Variants in FBXL5 observed in about 807,000 individuals in gnomAD.
FBXL5 encodes the protein F-box and leucine rich repeat protein 5, also known as F-box/LRR-repeat protein 5.
In FBXL5, 26 loss-of-function variants were observed where a neutral mutation model predicts 78.3. That is an observed-to-expected ratio of 0.33 (90% CI 0.24 to 0.46). The LOEUF is 0.46. Among genes scored for constraint, FBXL5 ranks in the 20% least tolerant of loss-of-function variants. The probability of loss-of-function intolerance (pLI) is 1.00; values close to 1 mark genes in which losing one functional copy is unlikely to be tolerated. For synonymous variants in FBXL5, 295 were observed against 282.5 expected, an observed-to-expected ratio of 1.04 and a Z score of -0.45; for missense variants, 710 against 829.2, an observed-to-expected ratio of 0.86 and a Z score of 1.77.
intron 1 of FBXL5, among the ~76,000 whole-genome samples, chr4:15,647,222 C>CAA (rs112736448): frequency 0.1 from 3,784 of 36,410 alleles, 393 homozygotes; most frequent in African/African-American, 0.13. Context: ...GACTCCATCT[C>CAA]AAAAAAAAAA....
chr4:15,681,237 G>A (rs913913986), intron 1 of FBXL5: 5 of 152,246 alleles, frequency 3.3e-5, no homozygotes, highest in Admixed American at 1.3e-4. Flanking sequence ...TGATATCAAA[G>A]TTCAAAATTC....
rs1175371702 is a variant in FBXL5 at position 15,612,418 on chromosome 4, T to C, written c.1851-4A>G. 6.3e-7 allele frequency: 1 copy of C among 1,592,618 alleles called. No homozygotes were observed. Among genetic ancestry groups the C allele is most frequent in the South Asian group, 1.1e-5 (1 of 88,316 alleles). ...CCCTCCTCCCAGAGTCAAAACCCTG[T>C]AAGAAAAATAATTTGACAATTAGAA... On this transcript the variant is annotated splice_region_variant and splice_polypyrimidine_tract_variant and intron_variant, in intron 9 of 10. Coordinates refer to ENST00000341285, the MANE Select transcript of FBXL5 (RefSeq NM_012161.4).
intron 9 of FBXL5, among the ~76,000 whole-genome samples, chr4:15,614,482 C>G (rs369561786): frequency 2.6e-5 from 4 of 152,252 alleles, no homozygotes; most frequent in African/African-American, 9.6e-5. Context: ...CCTGGGGTCA[C>G]CTGGGTAAGT....
chr4:15,632,685 G>A (rs1298200312), intron 5 of FBXL5, among the ~76,000 whole-genome samples: 1 of 152,100 alleles, frequency 6.6e-6, no homozygotes, highest in African/African-American at 2.4e-5. Flanking sequence ...ATTGTGAATG[G>A]GAGTTCACTC....
rs1714520358 is a variant in FBXL5 at position 15,638,595 on chromosome 4, C to G, written c.496G>C (p.Glu166Gln). Residue 166 changes from glutamate (E) to glutamine (Q), a missense_variant, in exon 4 of 11, where the codon GAA (glutamate) becomes CAA (glutamine). Physicochemically the swap from Glu to Gln is conservative, Grantham distance 29. Around this residue, in one of 4 missense-constraint regions of FBXL5, gnomAD observed 517 missense variants for 542.9 expected, o/e 0.95. Transcript: ENST00000341285. ...AQHCSQKDTA[E>Q]LLRGLSLWNH... ...CATAGGCTAAGACCTCTAAGGAGTT[C>G]TGCAGTATCCTTCTGAGAGCAGTGT... The G allele has an allele frequency of 5.0e-6, 8 of 1,613,398 alleles. No individual in the cohort carries two copies. In the South Asian group the frequency reaches 5.5e-5, roughly 11 times the overall value.
intron 9 of FBXL5, among the ~76,000 whole-genome samples, chr4:15,618,172 G>C (rs931517161): frequency 6.8e-6 from 1 of 147,370 alleles, no homozygotes; most frequent in Non-Finnish European, 1.5e-5. Context: ...GAAAAAAAGA[G>C]AAGACACAAA....
At chr4:15,640,980 G>C in intron 2 of FBXL5, 97 bp from the exon 3 acceptor site, 1 of 549,842 alleles carries the variant, frequency 1.8e-6, no homozygotes, top group Non-Finnish European at 3.1e-6. Flanking sequence ...AACCTCCGGG[G>C]AAAAAAAAAT....
At chr4:15,635,201 C>T (rs6831286) in intron 5 of FBXL5, among the ~76,000 whole-genome samples, 42,805 of 151,284 alleles carry the variant, frequency 0.28, 6,272 homozygotes, top group East Asian at 0.47. Context: ...GGCATGGTGG[C>T]GGATGCCTGT....
intron 9 of FBXL5, among the ~76,000 whole-genome samples, chr4:15,622,942 G>A (rs1199528857): frequency 6.6e-6 from 1 of 152,084 alleles, no homozygotes; most frequent in Non-Finnish European, 1.5e-5. Context: ...TAAAGAATAA[G>A]TGCAACTTAT....
upstream of FBXL5, chr4:15,656,295 G>T (rs1218389155): frequency 2.2e-6 from 1 of 456,102 alleles, no homozygotes; most frequent in Non-Finnish European, 4.4e-6. Context: ...TGGAGACTCT[G>T]TTCTCTGCTC....
chr4:15,617,545 C>CAAAA (rs34036474), intron 9 of FBXL5, among the ~76,000 whole-genome samples: 3 of 114,286 alleles, frequency 2.6e-5, no homozygotes, highest in Admixed American at 9.3e-5. Flanking sequence ...CTCCATGTCT[C>CAAAA]AAAAAAAAAA....
rs1721753780 is a variant in FBXL5, at chr4:15,604,480, G to T, written c.*1243C>A. 6.6e-6 allele frequency: 1 copy of T among 152,042 alleles called. No homozygotes were observed. Among genetic ancestry groups the T allele is most frequent in the Non-Finnish European group, 1.5e-5 (1 of 68,022 alleles). 9.4% of individuals were successfully genotyped at this position (152,042 alleles called of 1,614,324 possible). ...TCACTGGCCACAGATCACCACAACA[G>T]ATTTAATAATAGTGAAAAACTATGA... is the stretch of plus-strand genomic sequence containing the variant. On this transcript the variant is annotated 3_prime_UTR_variant, in exon 11 of 11. Transcript: ENST00000341285.
At chr4:15,653,195 ATATC>A (rs1320765909) in intron 1 of FBXL5, among the ~76,000 whole-genome samples, 9 of 152,192 alleles carry the variant, frequency 5.9e-5, no homozygotes, top group African/African-American at 9.6e-5. Context: ...CTCATTAACT[ATATC>A]TAATTAATTC....
At chr4:15,655,560 G>A (rs1162530245), upstream of FBXL5, 1 of 185,636 alleles carries the variant, frequency 5.4e-6, no homozygotes, top group Non-Finnish European at 1.0e-5. Context: ...GCCGCAGAAG[G>A]AACCCAAACC....
chr4:15,641,053 T>C (rs1386350932), intron 2 of FBXL5, among the ~76,000 whole-genome samples, 170 bp from the exon 3 acceptor site: 2 of 152,168 alleles, frequency 1.3e-5, no homozygotes, highest in African/African-American at 2.4e-5. Flanking sequence ...ACAGTAAGCT[T>C]TGAATTACTT....
chr4:15,662,826 AT>A (rs1717376590), upstream of FBXL5, among the ~76,000 whole-genome samples: 1 of 152,244 alleles, frequency 6.6e-6, no homozygotes, highest in African/African-American at 2.4e-5. Flanking sequence ...GAACAGCAGA[AT>A]AGTGAACAAG....
intron 1 of FBXL5, among the ~76,000 whole-genome samples, chr4:15,679,491 C>T (rs528954117): frequency 6.9e-6 from 1 of 145,758 alleles, no homozygotes; most frequent in African/African-American, 2.5e-5. Context: ...ATTTTGATCA[C>T]AAGAGATTTT....
upstream of FBXL5, among the ~76,000 whole-genome samples, chr4:15,664,241 A>T (rs1416464075): frequency 1.3e-5 from 2 of 152,176 alleles, no homozygotes; most frequent in African/African-American, 4.8e-5. Flanking sequence ...TTCTCTGCTT[A>T]CACTAATACA....
At chr4:15,652,401 C>A (rs1208086668) in intron 1 of FBXL5, among the ~76,000 whole-genome samples, 1 of 152,146 alleles carries the variant, frequency 6.6e-6, no homozygotes, top group Non-Finnish European at 1.5e-5. Flanking sequence ...GCCTCTAAGT[C>A]CCCAGCTATA....
Sources: allele counts gnomAD v4.1 joint callset (sites outside exome capture counted in the v4.1 genomes callset), GRCh38; gene constraint gnomAD v4.1.1; regional missense constraint gnomAD v4.1.1; transcripts MANE v1.5; gene names NCBI Gene and HGNC (gene_info 2026-07-23, HGNC 2026-07-21).